Variants in CDH9 observed in about 807,000 individuals in gnomAD.
CDH9 encodes the protein cadherin 9.
Under a neutral mutation model 70.9 loss-of-function variants are expected in CDH9, and 28 were observed. That is an observed-to-expected ratio of 0.40 (90% confidence interval 0.29 to 0.54). The LOEUF (loss-of-function observed/expected upper bound fraction) is 0.54. CDH9 is among the 20% of genes least tolerant of loss of function. CDH9 has a pLI of 0.59. For synonymous variants in CDH9, 409 were observed against 343.1 expected (o/e 1.19, Z -2.12); for missense variants, 874 against 984.4 (o/e 0.89, Z 1.50).
intron 2 of CDH9, among the ~76,000 whole-genome samples, chr5:26,917,402 A>C (rs1478909432): frequency 6.6e-6 from 1 of 151,978 alleles, no homozygotes; most frequent in African/African-American, 2.4e-5. Flanking sequence ...TATATTTGAA[A>C]TTATCAAGAA....
At chr5:26,942,472 C>A (rs1023557857) in intron 2 of CDH9, among the ~76,000 whole-genome samples, 1 of 152,114 alleles carries the variant, frequency 6.6e-6, no homozygotes, top group Non-Finnish European at 1.5e-5. Flanking sequence ...TTCAGTAATG[C>A]CACAGTGAGG....
rs111372535 is a variant in CDH9 at position 27,037,160 on chromosome 5, G to A, written c.-50+1303C>T. Reference sequence around the variant, plus strand: ...TTCTTAACGGCTGTGCCTGAAGATGGGTAACTCTTCCAAATTCATAGATAA... The same window carrying A: ...TTCTTAACGGCTGTGCCTGAAGATGAGTAACTCTTCCAAATTCATAGATAA... On this transcript the variant is annotated intron_variant, in intron 1 of 11. Coordinates refer to ENST00000231021, the MANE Select transcript of CDH9 (RefSeq NM_016279.4). Among the ~76,000 whole-genome samples, 1,184 of 151,932 alleles carry A rather than the reference G, an allele frequency of 7.8e-3. 20 individuals carry two copies. Among genetic ancestry groups the A allele is most frequent in the African/African-American group, 0.027 (1,121 of 41,500 alleles).
chr5:26,978,599 C>A (rs1398906549), intron 2 of CDH9, among the ~76,000 whole-genome samples: 1 of 150,500 alleles, frequency 6.6e-6, no homozygotes, highest in African/African-American at 2.4e-5. Flanking sequence ...TTTAAATGCT[C>A]ATTTAATTTT....
chr5:26,963,155 A>G, intron 2 of CDH9, among the ~76,000 whole-genome samples: 1 of 152,220 alleles, frequency 6.6e-6, no homozygotes, highest in East Asian at 1.9e-4. Context: ...TTAATCACAT[A>G]GAAATAACGG....
At chr5:26,964,796 C>G (rs1461389617) in intron 2 of CDH9, among the ~76,000 whole-genome samples, 2 of 148,784 alleles carry the variant, frequency 1.3e-5, no homozygotes, top group Non-Finnish European at 3.0e-5. Flanking sequence ...CCCACCACCC[C>G]CCAACAGGCC....
Position 26,890,696 on chromosome 5 carries a change from A to T in CDH9, c.1254-132T>A, listed in dbSNP as rs1047020105. 1.1e-5 allele frequency: 7 copies of T among 639,646 alleles called. No homozygotes were observed. In the African/African-American group the frequency reaches 1.3e-4, roughly 12 times the overall value. The allele number at this position is 639,646 out of a possible 1,614,324, so 39.6% of individuals were successfully genotyped here. A position where few individuals can be genotyped will look rare whatever the true frequency, so the allele number is the denominator to read the frequency against. On this transcript the variant is annotated intron_variant, in intron 7 of 11. Transcript: ENST00000231021. Reference sequence around the variant, plus strand: ...ATGCAAAATGCTAACAACTTTCTTGAATTTTTATTTTATAGAATTGTTATT... The same window carrying T: ...ATGCAAAATGCTAACAACTTTCTTGTATTTTTATTTTATAGAATTGTTATT...
At chr5:26,883,527 G>C (rs918551483) in intron 11 of CDH9, among the ~76,000 whole-genome samples, 1 of 151,844 alleles carries the variant, frequency 6.6e-6, no homozygotes, top group African/African-American at 2.4e-5. Context: ...TTTTCAATAG[G>C]ATTATTGGCA....
chr5:26,958,572 T>A (rs1284915152), intron 2 of CDH9, among the ~76,000 whole-genome samples: 2 of 152,128 alleles, frequency 1.3e-5, no homozygotes, highest in Non-Finnish European at 2.9e-5. Context: ...ATTATCATGA[T>A]ATATTTGACG....
chr5:26,992,693 G>A (rs1223998287), intron 1 of CDH9, among the ~76,000 whole-genome samples: 3 of 152,244 alleles, frequency 2.0e-5, no homozygotes, highest in African/African-American at 4.8e-5. Flanking sequence ...GTTTTAAGGC[G>A]CATGCTAGGA....
intron 11 of CDH9, among the ~76,000 whole-genome samples, chr5:26,883,614 T>C (rs1452739841): frequency 6.6e-6 from 1 of 152,114 alleles, no homozygotes; most frequent in Non-Finnish European, 1.5e-5. Context: ...AATCAAACCA[T>C]AGTTAGACTT....
At chr5:26,941,532 T>C (rs777136445) in intron 2 of CDH9, among the ~76,000 whole-genome samples, 1 of 152,184 alleles carries the variant, frequency 6.6e-6, no homozygotes, top group Non-Finnish European at 1.5e-5. Context: ...CCTATCACAG[T>C]TAGGGATGCT....
chr5:26,920,431 A>G (rs1043426247), intron 2 of CDH9, among the ~76,000 whole-genome samples: 22 of 152,044 alleles, frequency 1.4e-4, no homozygotes, highest in Non-Finnish European at 2.9e-4. Context: ...ACCTAGGACC[A>G]GGGGAAACTC....
At chr5:26,924,816 C>G (rs1741308640) in intron 2 of CDH9, among the ~76,000 whole-genome samples, 1 of 151,694 alleles carries the variant, frequency 6.6e-6, no homozygotes, top group Non-Finnish European at 1.5e-5. Context: ...AGTCTTCTGT[C>G]CTTGTGATAG....
intron 1 of CDH9, among the ~76,000 whole-genome samples, chr5:27,019,347 T>C (rs1008990700): frequency 1.3e-5 from 2 of 152,034 alleles, no homozygotes; most frequent in African/African-American, 4.8e-5. Context: ...TTTTTAAAAT[T>C]TGATCTTTTG....
intron 3 of CDH9, among the ~76,000 whole-genome samples, chr5:26,910,110 C>T (rs1430407094): frequency 6.6e-6 from 1 of 151,928 alleles, no homozygotes; most frequent in Non-Finnish European, 1.5e-5. Flanking sequence ...AAAAACATCC[C>T]TCTATATATT....
chr5:26,952,033 T>A (rs76092057), intron 2 of CDH9, among the ~76,000 whole-genome samples: 103,891 of 146,078 alleles, frequency 0.71, 40,006 homozygotes, highest in East Asian at 0.99. Context: ...CAGGCTGGAG[T>A]GCAGTGGCGC....
chr5:26,966,269 T>C (rs1028569435), intron 2 of CDH9, among the ~76,000 whole-genome samples: 1 of 152,174 alleles, frequency 6.6e-6, no homozygotes, highest in African/African-American at 2.4e-5. Flanking sequence ...CTGGCAAGTG[T>C]ATTACATTTT....
At chr5:26,967,330 A>G (rs929100424) in intron 2 of CDH9, among the ~76,000 whole-genome samples, 4 of 152,054 alleles carry the variant, frequency 2.6e-5, no homozygotes, top group Admixed American at 6.6e-5. Flanking sequence ...AGTGTCATCA[A>G]ACACTATATT....
At chr5:26,893,726 A>G (rs1234864802) in intron 7 of CDH9, among the ~76,000 whole-genome samples, 1 of 151,926 alleles carries the variant, frequency 6.6e-6, no homozygotes, top group African/African-American at 2.4e-5. Flanking sequence ...AGCAAATGTC[A>G]TGCTGGCTTT....
Sources: gnomAD v4.1 joint callset for allele counts (sites outside exome capture counted in the v4.1 genomes callset) on GRCh38, gnomAD v4.1.1 for gene constraint, MANE v1.5 for transcripts, NCBI Gene and HGNC (gene_info 2026-07-23, HGNC 2026-07-21) for gene names.